CSMD1: variants seen among roughly 807,000 people sequenced by gnomAD.
The protein encoded by CSMD1 is CUB and sushi domain-containing protein 1.
Under a neutral mutation model 417.5 loss-of-function variants are expected in CSMD1, and 213 were observed. The observed-to-expected ratio is 0.51, with a 90% CI of 0.46 to 0.57. The LOEUF (loss-of-function observed/expected upper bound fraction) is 0.57. Among genes scored for constraint, CSMD1 ranks in the 20% least tolerant of loss-of-function variants. The pLI is 0.00. For missense variants in CSMD1, 6,923 were observed against 4,529.7 expected (o/e 1.53, Z -15.17); for synonymous variants, 2,862 against 1,736.8 (o/e 1.65, Z -16.11).
chr8:4,147,432 T>G (rs1271215416), intron 3 of CSMD1, among the ~76,000 whole-genome samples: 2 of 152,118 alleles, frequency 1.3e-5, no homozygotes, highest in African/African-American at 4.8e-5. Flanking sequence ...CTTTTCCACC[T>G]ACCTTCTGGA....
At chr8:3,652,835 C>T (rs1421963247) in intron 7 of CSMD1, among the ~76,000 whole-genome samples, 1 of 152,144 alleles carries the variant, frequency 6.6e-6, no homozygotes, top group African/African-American at 2.4e-5. Flanking sequence ...GTTTTGCTCA[C>T]TACCGTATTG....
chr8:3,907,790 G>C (rs1022423018), intron 5 of CSMD1, among the ~76,000 whole-genome samples: 1 of 152,180 alleles, frequency 6.6e-6, no homozygotes. Flanking sequence ...ATCACCCGCT[G>C]CTCGTATCAA....
chr8:4,911,712 C>G (rs1585312697), intron 1 of CSMD1, among the ~76,000 whole-genome samples: 1 of 152,118 alleles, frequency 6.6e-6, no homozygotes, highest in Non-Finnish European at 1.5e-5. Context: ...CACCCAGAAA[C>G]TGAATCAACT....
At chr8:3,492,186 T>C (rs1325500676) in intron 11 of CSMD1, among the ~76,000 whole-genome samples, 1 of 152,094 alleles carries the variant, frequency 6.6e-6, no homozygotes, top group African/African-American at 2.4e-5. Context: ...GAAGCCAAGA[T>C]GTTTGATTAT....
chr8:3,673,470 G>C (rs962343711), intron 7 of CSMD1, among the ~76,000 whole-genome samples: 17 of 152,144 alleles, frequency 1.1e-4, no homozygotes, highest in African/African-American at 3.6e-4. Context: ...TGACAAGCAA[G>C]AATGTGTTTA....
intron 7 of CSMD1, among the ~76,000 whole-genome samples, chr8:3,661,177 A>C (rs981778452): frequency 6.6e-6 from 1 of 152,190 alleles, no homozygotes; most frequent in South Asian, 2.1e-4. Context: ...GATGAATTGC[A>C]ACTAACTGAA....
At chr8:4,766,387 G>T (rs540551506) in intron 1 of CSMD1, among the ~76,000 whole-genome samples, 3 of 152,182 alleles carry the variant, frequency 2.0e-5, no homozygotes, top group African/African-American at 7.2e-5. Context: ...TGGATTGAAC[G>T]AGAACATCGT....
chr8:3,951,308 C>T (rs1049026757), intron 5 of CSMD1, among the ~76,000 whole-genome samples: 9 of 152,276 alleles, frequency 5.9e-5, no homozygotes, highest in Admixed American at 1.3e-4. Context: ...TCCATGGCAC[C>T]TTCTCCTCGT....
chr8:4,146,509 GCA>G (rs1563184570), intron 3 of CSMD1, among the ~76,000 whole-genome samples: 1 of 147,482 alleles, frequency 6.8e-6, no homozygotes, highest in East Asian at 2.0e-4. Context: ...GTTGTGATGT[GCA>G]CAGTGTGTGT....
chr8:3,851,788 G>A (rs991872136), intron 5 of CSMD1, among the ~76,000 whole-genome samples: 6 of 152,192 alleles, frequency 3.9e-5, no homozygotes, highest in Non-Finnish European at 1.5e-5. Context: ...CCACAAGTCA[G>A]GTGTGAGTAG....
At chr8:3,618,274 G>C (rs1044695648) in intron 7 of CSMD1, among the ~76,000 whole-genome samples, 2 of 152,034 alleles carry the variant, frequency 1.3e-5, no homozygotes, top group Admixed American at 6.6e-5. Flanking sequence ...TAAAGTGTTG[G>C]GGTTACAGAC....
chr8:3,824,185 T>C (rs1443256295), intron 5 of CSMD1, among the ~76,000 whole-genome samples: 1 of 151,960 alleles, frequency 6.6e-6, no homozygotes, highest in African/African-American at 2.4e-5. Flanking sequence ...GCTTTGGAGA[T>C]GATGACTAAT....
intron 2 of CSMD1, among the ~76,000 whole-genome samples, chr8:4,489,256 T>C (rs1801576455): frequency 6.6e-6 from 1 of 152,188 alleles, no homozygotes; most frequent in African/African-American, 2.4e-5. Context: ...TGCCCTCCTT[T>C]TTCTAAGAAT....
At chr8:3,741,071 C>G (rs1796776573) in intron 6 of CSMD1, among the ~76,000 whole-genome samples, 1 of 151,910 alleles carries the variant, frequency 6.6e-6, no homozygotes, top group African/African-American at 2.4e-5. Flanking sequence ...AAAAATTAGC[C>G]AGGTGTGGTG....
chr8:4,104,498 T>G (rs954157531), intron 3 of CSMD1, among the ~76,000 whole-genome samples: 4 of 152,198 alleles, frequency 2.6e-5, no homozygotes, highest in Non-Finnish European at 5.9e-5. Context: ...TTTTCTTGCT[T>G]TCACGGATTG....
At chr8:4,516,493 T>C (rs1326700732) in intron 2 of CSMD1, among the ~76,000 whole-genome samples, 1 of 152,068 alleles carries the variant, frequency 6.6e-6, no homozygotes, top group Non-Finnish European at 1.5e-5. Flanking sequence ...CCCCGGGCCC[T>C]TCTATGATCC....
At chr8:4,535,719 C>T (rs1439000607) in intron 2 of CSMD1, among the ~76,000 whole-genome samples, 3 of 151,956 alleles carry the variant, frequency 2.0e-5, no homozygotes, top group African/African-American at 7.3e-5. Flanking sequence ...TATTTGGAGA[C>T]AATAATCTAA....
chr8:4,216,148 T>C (rs1023014621), intron 3 of CSMD1, among the ~76,000 whole-genome samples: 7 of 152,170 alleles, frequency 4.6e-5, no homozygotes, highest in Non-Finnish European at 1.0e-4. Flanking sequence ...TAATCCCATT[T>C]TTTCACAGGA....
chr8:4,819,780 G>C (rs901453033), intron 1 of CSMD1, among the ~76,000 whole-genome samples: 1 of 152,066 alleles, frequency 6.6e-6, no homozygotes. Context: ...CATGAAACAG[G>C]AGTCAATGCT....
Sources: gnomAD v4.1 joint callset for allele counts (sites outside exome capture counted in the v4.1 genomes callset) on GRCh38, gnomAD v4.1.1 for gene constraint, MANE v1.5 for transcripts, NCBI Gene and HGNC (gene_info 2026-07-23, HGNC 2026-07-21) for gene names.